Variants in TALDO1 observed in about 807,000 individuals in gnomAD.
TALDO1 encodes transaldolase.
Under a neutral mutation model 38.1 loss-of-function variants are expected in TALDO1, and 29 were observed. The observed-to-expected ratio is 0.76, with a 90% CI of 0.57 to 1.04. The LOEUF (loss-of-function observed/expected upper bound fraction) is 1.04, where lower values mean the gene tolerates loss of function less well. Among genes scored for constraint, TALDO1 ranks in the 50% least tolerant of loss-of-function variants. The pLI is 0.00. For synonymous variants in TALDO1, 207 were observed against 176.8 expected (o/e 1.17, Z -1.36); for missense variants, 499 against 438.1 (o/e 1.14, Z -1.24).
At chr11:751,559 C>T (rs796401616) in intron 1 of TALDO1, among the ~76,000 whole-genome samples, 10 of 152,096 alleles carry the variant, frequency 6.6e-5, no homozygotes, top group East Asian at 1.9e-4. Context: ...TTTGGGAGGC[C>T]GAGGAGGGTG....
chr11:748,695 C>A (rs1862700493), intron 1 of TALDO1, among the ~76,000 whole-genome samples: 1 of 152,144 alleles, frequency 6.6e-6, no homozygotes, highest in Non-Finnish European at 1.5e-5. Flanking sequence ...TGTTTGGCTG[C>A]TTAACCATAA....
At chr11:751,732 T>C (rs1165167229) in intron 1 of TALDO1, among the ~76,000 whole-genome samples, 1 of 151,888 alleles carries the variant, frequency 6.6e-6, no homozygotes, top group Non-Finnish European at 1.5e-5. Flanking sequence ...AAGACGGAGG[T>C]TGCAGTGAGC....
chr11:762,461 G>A (rs1402973103), intron 4 of TALDO1, among the ~76,000 whole-genome samples: 7 of 152,100 alleles, frequency 4.6e-5, no homozygotes, highest in African/African-American at 1.5e-4. Context: ...CTGCTGCTCT[G>A]AACACAGATG....
At chr11:749,759 G>C (rs142963303) in intron 1 of TALDO1, among the ~76,000 whole-genome samples, 92 of 152,340 alleles carry the variant, frequency 6.0e-4, no homozygotes, top group African/African-American at 2.1e-3. Flanking sequence ...ACTTTATCCA[G>C]GGGTGATTTT....
chr11:763,694 T>G (rs912883600), intron 5 of TALDO1, 53 bp from the exon 6 acceptor site: 1 of 1,596,908 alleles, frequency 6.3e-7, no homozygotes, highest in Non-Finnish European at 8.6e-7. Flanking sequence ...GGAGGGCAGG[T>G]GGGGTGGTAC....
chr11:761,971 T>G (rs1041135302), intron 4 of TALDO1, among the ~76,000 whole-genome samples: 6 of 145,814 alleles, frequency 4.1e-5, no homozygotes, highest in East Asian at 3.9e-4. Context: ...TGTTTTTTTG[T>G]TTTTTTTTGT....
intron 7 of TALDO1, 58 bp downstream of exon 7, chr11:764,491 G>A (rs1051819946): frequency 3.8e-5 from 61 of 1,593,206 alleles, no homozygotes; most frequent in Non-Finnish European, 5.1e-5. Flanking sequence ...CCGGGCCTGG[G>A]CGTCGGGGTT....
At chr11:764,557 C>T (rs1048102708) in intron 7 of TALDO1, 124 bp downstream of exon 7, 1 of 1,480,176 alleles carries the variant, frequency 6.8e-7, no homozygotes, top group Non-Finnish European at 9.2e-7. Context: ...CACGTGCTGT[C>T]CAGCAAGTGG....
At chr11:755,774 C>A in intron 1 of TALDO1, 105 bp from the exon 2 acceptor site, 1 of 1,570,702 alleles carries the variant, frequency 6.4e-7, no homozygotes. Flanking sequence ...TTCGGAAATG[C>A]TCTGGACTCC....
chr11:757,289 ATTT>A (rs555623617), intron 2 of TALDO1, among the ~76,000 whole-genome samples: 1,586 of 135,518 alleles, frequency 0.012, 19 homozygotes, highest in African/African-American at 0.03. Flanking sequence ...ATGGCCCCAA[ATTT>A]TTTTTTTTTT....
At chr11:760,030 A>C (rs1862903092) in intron 3 of TALDO1, 92 bp from the exon 4 acceptor site, 11 of 1,586,146 alleles carry the variant, frequency 6.9e-6, no homozygotes, top group Non-Finnish European at 8.6e-6. Context: ...GGTGCTGCTC[A>C]AAACTGACAG....
intron 1 of TALDO1, among the ~76,000 whole-genome samples, chr11:747,894 G>A (rs1307857304): frequency 1.3e-5 from 2 of 152,236 alleles, no homozygotes; most frequent in East Asian, 3.9e-4. Flanking sequence ...CGGTGCTGGG[G>A]TCAGCGGTGC....
Position 760,154 on chromosome 11 carries a change from G to C in TALDO1, c.362G>C (p.Arg121Thr). The change falls in exon 4 of 8, where the codon AGA becomes ACA. Residue 121 changes from arginine to threonine, a missense_variant. Arg to Thr is a moderately conservative substitution (Grantham distance 71). Transcript: ENST00000319006. ...TTTGATAAAGATGCGATGGTGGCCA[G>C]AGCCAGGCGGCTCATCGAGCTCTAC... The part of the protein sequence containing the change: ...LSFDKDAMVA[R>T]ARRLIELYKE... 1 of 1,614,166 alleles carries C rather than the reference G, an allele frequency of 6.2e-7. No homozygotes were observed. Among genetic ancestry groups the C allele is most frequent in the Non-Finnish European group, 8.5e-7 (1 of 1,180,024 alleles).
chr11:756,822 A>G (rs1427224962), intron 2 of TALDO1, among the ~76,000 whole-genome samples: 1 of 151,910 alleles, frequency 6.6e-6, no homozygotes, highest in East Asian at 1.9e-4. Flanking sequence ...CTGGCTTTTT[A>G]ATTTTTTAAT....
intron 7 of TALDO1, 122 bp from the exon 8 acceptor site, chr11:764,691 G>A (rs1376213912): frequency 8.6e-6 from 13 of 1,510,892 alleles, no homozygotes; most frequent in Admixed American, 3.4e-5. Context: ...CCCTGTGGCC[G>A]TGGCCCCCAC....
At chr11:750,832 A>G (rs967295701) in intron 1 of TALDO1, among the ~76,000 whole-genome samples, 8 of 151,574 alleles carry the variant, frequency 5.3e-5, no homozygotes, top group African/African-American at 1.7e-4. Context: ...CTCAAAAGAA[A>G]AAAAAAAAAG....
intron 1 of TALDO1, among the ~76,000 whole-genome samples, chr11:751,549 T>C (rs1279920642): frequency 6.6e-6 from 1 of 152,106 alleles, no homozygotes; most frequent in African/African-American, 2.4e-5. Context: ...ATCACAGCAC[T>C]TTGGGAGGCC....
At chr11:753,283 G>A (rs1862779370) in intron 1 of TALDO1, among the ~76,000 whole-genome samples, 1 of 151,928 alleles carries the variant, frequency 6.6e-6, no homozygotes. Context: ...TGTAACCCCA[G>A]CACTTTGGGA....
chr11:754,698 C>G (rs1416898266), intron 1 of TALDO1, among the ~76,000 whole-genome samples: 1 of 152,144 alleles, frequency 6.6e-6, no homozygotes, highest in Non-Finnish European at 1.5e-5. Flanking sequence ...TTTCAAACTC[C>G]TGACCTCAGG....
Sources: gnomAD v4.1 joint callset for allele counts (sites outside exome capture counted in the v4.1 genomes callset) on GRCh38, gnomAD v4.1.1 for gene constraint, MANE v1.5 for transcripts, NCBI Gene and HGNC (gene_info 2026-07-23, HGNC 2026-07-21) for gene names.